Variants in HTR2C observed in about 807,000 individuals in gnomAD.
HTR2C encodes 5-hydroxytryptamine receptor 2C.
HTR2C carries 5 observed loss-of-function variants against 21.0 expected under a neutral mutation model. The ratio of observed to expected loss-of-function variants is 0.24; its 90% CI spans 0.12 to 0.50. The LOEUF (loss-of-function observed/expected upper bound fraction) is 0.50, where lower values mean the gene tolerates loss of function less well. Among genes scored for constraint, HTR2C ranks in the 20% least tolerant of loss-of-function variants. The probability of loss-of-function intolerance (pLI) is 0.98; values close to 1 mark genes in which losing one functional copy is unlikely to be tolerated. For missense variants in HTR2C, 271 were observed against 371.2 expected, an observed-to-expected ratio of 0.73 and a Z score of 2.22; for synonymous variants, 150 against 145.3, an observed-to-expected ratio of 1.03 and a Z score of -0.23.
At chrX:114,658,371 T>C (rs781941014) in intron 2 of HTR2C, among the ~76,000 whole-genome samples, 13 of 111,732 alleles carry the variant, frequency 1.2e-4, no homozygotes, top group Non-Finnish European at 2.3e-4. Flanking sequence ...CAAGAGAATA[T>C]ATAGAAGTAT....
intron 2 of HTR2C, among the ~76,000 whole-genome samples, chrX:114,642,754 T>C (rs1930185777): frequency 9.0e-6 from 1 of 111,726 alleles, no homozygotes; most frequent in African/African-American, 3.2e-5. Flanking sequence ...TAGAAAAATG[T>C]GTGATCTTGT....
intron 5 of HTR2C, among the ~76,000 whole-genome samples, chrX:114,873,593 A>G (rs991584826): frequency 8.9e-6 from 1 of 112,105 alleles, no homozygotes; most frequent in Non-Finnish European, 1.9e-5. Flanking sequence ...TCTTACAGAT[A>G]GAAAATATTC....
At chrX:114,883,954 G>A (rs782639161) in intron 5 of HTR2C, among the ~76,000 whole-genome samples, 248 of 109,802 alleles carry the variant, frequency 2.3e-3, no homozygotes, top group African/African-American at 7.5e-3. Context: ...CCTCTGGCAC[G>A]ACTATTATAC....
In HTR2C at chrX:114,830,966, C is replaced by T. The variant is rs868964958; in HGVS notation, c.350-17037C>T. Among the ~76,000 whole-genome samples the T allele has an allele frequency of 1.1e-3, 92 of 80,967 alleles. 2 individuals carry two copies. Among genetic ancestry groups the T allele is most frequent in the African/African-American group, 3.6e-3 (85 of 23,792 alleles). The allele number at this position is 80,967 out of a possible 115,157, so 70.3% of individuals were successfully genotyped here. A position where few individuals can be genotyped will look rare whatever the true frequency, so the allele number is the denominator to read the frequency against. On this transcript the variant is annotated intron_variant, in intron 4 of 5. Transcript: ENST00000276198. Reference sequence around the variant, plus strand: ...TGCGGTGTTTGGTTTTTTGTTCTCGCGATAGTTTACTGAGAATGATAATTT... The same window carrying T: ...TGCGGTGTTTGGTTTTTTGTTCTCGTGATAGTTTACTGAGAATGATAATTT...
intron 2 of HTR2C, among the ~76,000 whole-genome samples, chrX:114,646,362 T>C (rs1292922026): frequency 8.9e-6 from 1 of 111,955 alleles, no homozygotes; most frequent in Non-Finnish European, 1.9e-5. Context: ...AAATTAACCT[T>C]ACAATTTTTT....
chrX:114,633,081 TG>T (rs1185604867), intron 2 of HTR2C, among the ~76,000 whole-genome samples: 3 of 111,077 alleles, frequency 2.7e-5, no homozygotes, highest in Non-Finnish European at 3.8e-5. Context: ...AATATAGTCT[TG>T]GGGCTCATCT....
chrX:114,892,660 T>C (rs782330362), intron 5 of HTR2C, among the ~76,000 whole-genome samples: 1 of 110,707 alleles, frequency 9.0e-6, no homozygotes, highest in Non-Finnish European at 1.9e-5. Flanking sequence ...TCTGTATCTA[T>C]AGTATCATAA....
chrX:114,700,748 C>T (rs1005683558), intron 2 of HTR2C, among the ~76,000 whole-genome samples: 3 of 112,491 alleles, frequency 2.7e-5, no homozygotes, highest in Non-Finnish European at 3.8e-5. Flanking sequence ...AGCCGAAGCA[C>T]GGCGAGGCAT....
chrX:114,809,414 G>A (rs1556451989), intron 4 of HTR2C, among the ~76,000 whole-genome samples: 1 of 97,454 alleles, frequency 1.0e-5, no homozygotes, highest in South Asian at 4.8e-4. Context: ...ACAGAGTTTC[G>A]ATCTTGTCAC....
chrX:114,585,925 G>T (rs184186808), intron 1 of HTR2C, among the ~76,000 whole-genome samples: 1 of 110,002 alleles, frequency 9.1e-6, no homozygotes, highest in Admixed American at 9.7e-5. Context: ...GGGGGGCGGG[G>T]GGTGAGGAAA....
rs974235856 is a variant in HTR2C, at chrX:114,765,989, G to A, written c.349+34382G>A. On this transcript the variant is annotated intron_variant, in intron 4 of 5. Transcript: ENST00000276198. ...ACTTGAAGGATTTTCATACTCATACGCTTCCAAAGACAAAAGCAAGATAAA... is the reference window on the plus strand; with the variant it reads ...ACTTGAAGGATTTTCATACTCATACACTTCCAAAGACAAAAGCAAGATAAA... 7.9e-4 allele frequency among the ~76,000 whole-genome samples: 88 copies of A among 111,372 alleles called. 1 individual carries two copies. The highest frequency in any genetic ancestry group is 2.2e-3 in the African/African-American group (68 of 30,673).
intron 2 of HTR2C, among the ~76,000 whole-genome samples, chrX:114,704,956 A>G (rs1187580306): frequency 9.3e-6 from 1 of 107,521 alleles, no homozygotes; most frequent in African/African-American, 3.4e-5. Flanking sequence ...TCCCATTCAC[A>G]ATTGCTTCAA....
intron 4 of HTR2C, among the ~76,000 whole-genome samples, chrX:114,774,400 G>A (rs782146374): frequency 4.5e-5 from 5 of 111,141 alleles, no homozygotes; most frequent in African/African-American, 1.6e-4. Flanking sequence ...ATAGACGATT[G>A]TTTTCATACT....
intron 4 of HTR2C, chrX:114,776,874 G>T: frequency 6.5e-6 from 1 of 153,265 alleles, no homozygotes; most frequent in Admixed American, 8.1e-5. Context: ...TTCTTGAAAG[G>T]GAAAATAGAT....
At chrX:114,617,165 A>G (rs916078468) in intron 2 of HTR2C, among the ~76,000 whole-genome samples, 49 of 112,424 alleles carry the variant, frequency 4.4e-4, no homozygotes, top group African/African-American at 1.5e-3. Flanking sequence ...TAGGCTGGGC[A>G]TGGTGGCTCA....
chrX:114,876,020 A>G (rs1311878291), intron 5 of HTR2C, among the ~76,000 whole-genome samples: 1 of 110,499 alleles, frequency 9.0e-6, no homozygotes, highest in African/African-American at 3.3e-5. Flanking sequence ...CTTTAAAAAT[A>G]TTAAATCTTC....
intron 2 of HTR2C, among the ~76,000 whole-genome samples, chrX:114,639,122 ATTATTT>A (rs1160384613): frequency 8.9e-6 from 1 of 111,944 alleles, no homozygotes; most frequent in Non-Finnish European, 1.9e-5. Context: ...TACTTGGCAC[ATTATTT>A]TTATTATTAA....
rs12687272 is a variant in HTR2C, at chrX:114,674,791, G to A, written c.-79-52067G>A. 6.5e-4 allele frequency among the ~76,000 whole-genome samples: 73 copies of A among 111,618 alleles called. 1 individual carries two copies. The East Asian group carries it at 0.02, about 30-fold the overall frequency. On this transcript the variant is annotated intron_variant, in intron 2 of 5. Transcript: ENST00000276198. Reference sequence around the variant, plus strand: ...TATGGTTGAGTGTCTTCCCTAAGATGTATTAAAAGCAGAGGCAGTTTTAGA... The same window carrying A: ...TATGGTTGAGTGTCTTCCCTAAGATATATTAAAAGCAGAGGCAGTTTTAGA...
At chrX:114,703,548 C>T (rs186969221) in intron 2 of HTR2C, among the ~76,000 whole-genome samples, 47 of 111,692 alleles carry the variant, frequency 4.2e-4, no homozygotes, top group East Asian at 2.0e-3. Context: ...ATCTCTGGGA[C>T]GCTTTCAAAG....
Sources: allele counts gnomAD v4.1 joint callset (sites outside exome capture counted in the v4.1 genomes callset), GRCh38; gene constraint gnomAD v4.1.1; transcripts MANE v1.5; gene names NCBI Gene and HGNC (gene_info 2026-07-23, HGNC 2026-07-21).